HLCS: variants seen among roughly 807,000 people sequenced by gnomAD.
HLCS encodes the protein biotin--protein ligase.
Under a neutral mutation model 75.0 loss-of-function variants are expected in HLCS, and 53 were observed. That is an observed-to-expected ratio of 0.71 (90% CI 0.57 to 0.89). The LOEUF is 0.89. Ranked by LOEUF, HLCS falls within the 40% of genes least tolerant of loss-of-function variation. The pLI is 0.00. For synonymous variants in HLCS, 431 were observed against 428.6 expected, an observed-to-expected ratio of 1.01 and a Z score of -0.07; for missense variants, 966 against 1,074.0, an observed-to-expected ratio of 0.90 and a Z score of 1.41.
intron 6 of HLCS, among the ~76,000 whole-genome samples, chr21:36,873,871 G>C: frequency 6.6e-6 from 1 of 152,190 alleles, no homozygotes; most frequent in East Asian, 1.9e-4. Flanking sequence ...AAAATGCTGA[G>C]ATTACAGGAA....
intron 1 of HLCS, among the ~76,000 whole-genome samples, chr21:36,973,446 T>C (rs1671656882): frequency 6.6e-6 from 1 of 152,016 alleles, no homozygotes; most frequent in African/African-American, 2.4e-5. Context: ...GTATGCAGTC[T>C]CAAAGTAGGT....
At chr21:36,960,143 C>G (rs931886111) in intron 2 of HLCS, among the ~76,000 whole-genome samples, 40 of 121,290 alleles carry the variant, frequency 3.3e-4, no homozygotes, top group Middle Eastern at 4.2e-3. Flanking sequence ...CCCCCCCCCC[C>G]CCGACCCTGC....
At chr21:36,790,643 G>A (rs557032724) in intron 6 of HLCS, among the ~76,000 whole-genome samples, 4 of 152,260 alleles carry the variant, frequency 2.6e-5, no homozygotes, top group East Asian at 1.9e-4. Context: ...CCTTTCCCAC[G>A]ATCTTATGCT....
intron 9 of HLCS, among the ~76,000 whole-genome samples, chr21:36,759,509 C>G (rs1007727359): frequency 2.0e-5 from 3 of 152,124 alleles, no homozygotes; most frequent in African/African-American, 7.2e-5. Context: ...TGATGTGATA[C>G]CACTTTGGTG....
intron 6 of HLCS, among the ~76,000 whole-genome samples, chr21:36,873,268 CCACCA>C (rs1339257623): frequency 6.6e-6 from 1 of 152,240 alleles, no homozygotes; most frequent in East Asian, 1.9e-4. Flanking sequence ...CAGGCGTGTA[CCACCA>C]CACCAAGCTA....
At chr21:36,872,607 T>C (rs1312115309) in intron 6 of HLCS, among the ~76,000 whole-genome samples, 1 of 152,238 alleles carries the variant, frequency 6.6e-6, no homozygotes, top group Non-Finnish European at 1.5e-5. Context: ...TAGCACACTA[T>C]GTACTTGTTC....
At chr21:36,901,968 G>T (rs950645080) in intron 5 of HLCS, among the ~76,000 whole-genome samples, 3 of 152,184 alleles carry the variant, frequency 2.0e-5, no homozygotes, top group African/African-American at 7.2e-5. Context: ...TGTGTCTGTG[G>T]ACAGCAGTGG....
intron 6 of HLCS, among the ~76,000 whole-genome samples, chr21:36,829,374 T>G (rs2062117425): frequency 6.6e-6 from 1 of 152,228 alleles, no homozygotes; most frequent in Non-Finnish European, 1.5e-5. Flanking sequence ...GCAACTGTTA[T>G]CTTTCATGAT....
At chr21:36,969,024 G>A (rs2068714746), upstream of HLCS, among the ~76,000 whole-genome samples, 2 of 152,156 alleles carry the variant, frequency 1.3e-5, no homozygotes, top group Non-Finnish European at 2.9e-5. Flanking sequence ...CCAATTCTAG[G>A]TTAAAAGCAT....
intron 6 of HLCS, among the ~76,000 whole-genome samples, chr21:36,869,425 C>A (rs1324946551): frequency 6.6e-6 from 1 of 152,192 alleles, no homozygotes; most frequent in Non-Finnish European, 1.5e-5. Context: ...AGCCACCGTG[C>A]CCAGCCCAAA....
chr21:36,767,321 A>G (rs2090074940), intron 6 of HLCS, 36 bp from the exon 7 acceptor site: 4 of 1,596,540 alleles, frequency 2.5e-6, no homozygotes, highest in Non-Finnish European at 2.6e-6. Context: ...TAGGCCAGAC[A>G]TGGACACGCC....
chr21:36,828,216 A>G (rs891224270), intron 6 of HLCS, among the ~76,000 whole-genome samples: 12 of 152,200 alleles, frequency 7.9e-5, no homozygotes, highest in Admixed American at 7.9e-4. Flanking sequence ...CAGCGGGTTC[A>G]GAAGTAACTG....
chr21:36,755,402 AAAAAAAAGTGAAAAT>A (rs2089526637), intron 10 of HLCS, among the ~76,000 whole-genome samples: 1 of 152,084 alleles, frequency 6.6e-6, no homozygotes, highest in Non-Finnish European at 1.5e-5. Context: ...TCTCTAAAAA[AAAAAAAAGTGAAAAT>A]AAAAAAAGTT....
chr21:36,767,972 C>T (rs1052212954), intron 6 of HLCS, among the ~76,000 whole-genome samples: 7 of 151,864 alleles, frequency 4.6e-5, no homozygotes, highest in Non-Finnish European at 7.4e-5. Flanking sequence ...CCAAATGAGT[C>T]GATATTAACT....
intron 6 of HLCS, among the ~76,000 whole-genome samples, chr21:36,832,493 TCA>T (rs1297628903): frequency 6.6e-6 from 1 of 152,216 alleles, no homozygotes; most frequent in Non-Finnish European, 1.5e-5. Context: ...CCGACCTCAC[TCA>T]CAGTCTAGGC....
chr21:36,842,543 C>T lies in HLCS; in HGVS notation c.1892+54317G>A, dbSNP rs928072913. Among the ~76,000 whole-genome samples the T allele has an allele frequency of 1.3e-5, 2 of 152,120 alleles. No individual in the cohort carries two copies. Among genetic ancestry groups the T allele is most frequent in the African/African-American group, 4.8e-5 (2 of 41,402 alleles). On this transcript the variant is annotated intron_variant, in intron 6 of 10. Transcript: ENST00000674895. This position sits in a 1 kb window ranked among gnomAD's most constrained non-coding sequence, Gnocchi z 4.2. ...TCACATGAGGCCAGGAGTTCGAGAC[C>T]AGCCTGGCCAACAATGCAAAACCTC... is the stretch of plus-strand genomic sequence containing the variant.
At chr21:36,966,314 C>G (rs578100159) in intron 1 of HLCS, 130 bp downstream of exon 1, 1 of 293,790 alleles carries the variant, frequency 3.4e-6, no homozygotes. Flanking sequence ...CCTCCCGGGC[C>G]GCACAGGCCG....
chr21:36,876,577 T>A (rs1422833168), intron 6 of HLCS, among the ~76,000 whole-genome samples: 2 of 152,226 alleles, frequency 1.3e-5, no homozygotes, highest in African/African-American at 2.4e-5. Flanking sequence ...TCCATTTTTG[T>A]TATTGATTTC....
chr21:36,933,547 G>T (rs4817829), intron 4 of HLCS, among the ~76,000 whole-genome samples: 5 of 76,718 alleles, frequency 6.5e-5, no homozygotes, highest in Admixed American at 1.7e-4. Flanking sequence ...ATGAAACTCC[G>T]TCTCAAAAAA....
Sources: gnomAD v4.1 joint callset for allele counts (sites outside exome capture counted in the v4.1 genomes callset) on GRCh38, gnomAD v4.1.1 for gene constraint, Gnocchi (gnomAD v3.1) non-coding constraint, MANE v1.5 for transcripts, NCBI Gene and HGNC (gene_info 2026-07-23, HGNC 2026-07-21) for gene names.